Variants in DACH1 observed in about 807,000 individuals in gnomAD.
DACH1 encodes dachshund homolog 1.
A neutral mutation model predicts 54.2 loss-of-function variants in DACH1; 12 were observed. That is an observed-to-expected ratio of 0.22 (90% CI 0.14 to 0.36). The LOEUF is 0.36. DACH1 is among the 10% of genes least tolerant of loss of function. The pLI, the probability that DACH1 is intolerant of heterozygous loss-of-function variation, is 1.00. For missense variants in DACH1, 805 were observed against 929.8 expected, an observed-to-expected ratio of 0.87 and a Z score of 1.75; for synonymous variants, 386 against 366.2, an observed-to-expected ratio of 1.05 and a Z score of -0.62.
At chr13:71,471,477 G>A (rs1877065751) in intron 10 of DACH1, among the ~76,000 whole-genome samples, 1 of 152,046 alleles carries the variant, frequency 6.6e-6, no homozygotes, top group South Asian at 2.1e-4. Flanking sequence ...AAGAAACTAC[G>A]GGGCCAGGAG....
intron 1 of DACH1, among the ~76,000 whole-genome samples, chr13:71,824,947 A>T (rs1888323147): frequency 6.6e-6 from 1 of 152,088 alleles, no homozygotes; most frequent in Non-Finnish European, 1.5e-5. Context: ...ATTGGAAAAA[A>T]ACATGCCATT....
At chr13:71,821,179 A>G (rs1357067902) in intron 1 of DACH1, among the ~76,000 whole-genome samples, 1 of 152,218 alleles carries the variant, frequency 6.6e-6, no homozygotes, top group East Asian at 1.9e-4. Context: ...CATTGGTTTT[A>G]GTAGGTGAAT....
intron 1 of DACH1, among the ~76,000 whole-genome samples, chr13:71,751,676 T>G (rs1310257513): frequency 6.6e-6 from 1 of 152,014 alleles, no homozygotes; most frequent in Non-Finnish European, 1.5e-5. Context: ...AGAGTAAATA[T>G]GAAAGTAAAA....
At chr13:71,525,998 G>A (rs750484801) in intron 6 of DACH1, among the ~76,000 whole-genome samples, 30 of 152,138 alleles carry the variant, frequency 2.0e-4, no homozygotes, top group Non-Finnish European at 4.1e-4. Flanking sequence ...TTAAAGACAA[G>A]CTGACAATTT....
chr13:71,640,246 T>C (rs756240000), intron 2 of DACH1, among the ~76,000 whole-genome samples: 1 of 152,050 alleles, frequency 6.6e-6, no homozygotes, highest in Admixed American at 6.6e-5. Context: ...GTCGAAGTTA[T>C]AGACACTCAG....
At chr13:71,724,190 A>T (rs1394059361) in intron 1 of DACH1, among the ~76,000 whole-genome samples, 1 of 152,200 alleles carries the variant, frequency 6.6e-6, no homozygotes, top group Non-Finnish European at 1.5e-5. Flanking sequence ...AACAAATATG[A>T]AAAAACTTCT....
At chr13:71,598,624 A>G (rs1159243991) in intron 3 of DACH1, among the ~76,000 whole-genome samples, 1 of 152,298 alleles carries the variant, frequency 6.6e-6, no homozygotes, top group Non-Finnish European at 1.5e-5. Context: ...CATGATTTAC[A>G]TCATAAATTT....
intron 10 of DACH1, among the ~76,000 whole-genome samples, chr13:71,456,103 A>G (rs1382817011): frequency 6.6e-6 from 1 of 152,132 alleles, no homozygotes; most frequent in East Asian, 1.9e-4. Flanking sequence ...GAAACATCTG[A>G]GCACTATGGA....
chr13:71,461,981 C>A (rs1253506376), intron 10 of DACH1, among the ~76,000 whole-genome samples: 1 of 151,860 alleles, frequency 6.6e-6, no homozygotes, highest in African/African-American at 2.4e-5. Flanking sequence ...TTAAACATAG[C>A]ACACCTGAAT....
chr13:71,863,859 A>C (rs1333507255), intron 1 of DACH1, among the ~76,000 whole-genome samples: 1 of 149,660 alleles, frequency 6.7e-6, no homozygotes, highest in Non-Finnish European at 1.5e-5. Flanking sequence ...TAAAGAGGAT[A>C]CCGAGGAGAG....
chr13:71,803,976 T>C (rs1887387979), intron 1 of DACH1, among the ~76,000 whole-genome samples: 1 of 152,162 alleles, frequency 6.6e-6, no homozygotes, highest in Non-Finnish European at 1.5e-5. Context: ...CTGAGAAGGC[T>C]ACAGGTGTAC....
At chr13:71,500,901 A>T (rs1879861101) in intron 6 of DACH1, among the ~76,000 whole-genome samples, 1 of 152,068 alleles carries the variant, frequency 6.6e-6, no homozygotes, top group Non-Finnish European at 1.5e-5. Context: ...ATTGTGGCTC[A>T]GTTTCCAATC....
intron 10 of DACH1, among the ~76,000 whole-genome samples, chr13:71,453,719 T>A (rs139005430): frequency 6.6e-6 from 1 of 152,200 alleles, no homozygotes; most frequent in African/African-American, 2.4e-5. Context: ...AAGTTCTACA[T>A]CTTTAAAGCC....
At chr13:71,449,281 G>A (rs772974278) in intron 10 of DACH1, among the ~76,000 whole-genome samples, 3 of 151,962 alleles carry the variant, frequency 2.0e-5, no homozygotes, top group South Asian at 2.1e-4. Context: ...AGCCGAGATC[G>A]AACCACTGCA....
intron 6 of DACH1, among the ~76,000 whole-genome samples, chr13:71,529,283 T>C (rs961226972): frequency 6.6e-6 from 1 of 151,168 alleles, no homozygotes; most frequent in East Asian, 2.0e-4. Flanking sequence ...ACCTCCCTGG[T>C]TCAAGTGATT....
At chr13:71,792,123 G>A (rs1318828114) in intron 1 of DACH1, among the ~76,000 whole-genome samples, 1 of 152,020 alleles carries the variant, frequency 6.6e-6, no homozygotes, top group Non-Finnish European at 1.5e-5. Flanking sequence ...GTGGTATTGA[G>A]ACCACTTTAA....
At chr13:71,457,253 C>G (rs531671192) in intron 10 of DACH1, among the ~76,000 whole-genome samples, 3 of 152,036 alleles carry the variant, frequency 2.0e-5, no homozygotes, top group African/African-American at 7.2e-5. Flanking sequence ...GGACTGGTAT[C>G]CAACATATTG....
intron 6 of DACH1, among the ~76,000 whole-genome samples, chr13:71,520,577 CAAAAT>C (rs1566313160): frequency 6.7e-6 from 1 of 148,630 alleles, no homozygotes; most frequent in African/African-American, 2.5e-5. Context: ...TGATTACAAT[CAAAAT>C]AAATAGTTTA....
chr13:71,528,422 TTTC>T (rs1264881681), intron 6 of DACH1, among the ~76,000 whole-genome samples: 1 of 109,828 alleles, frequency 9.1e-6, no homozygotes, highest in East Asian at 2.4e-4. Flanking sequence ...AAAAACAGAT[TTTC>T]TTTTTTTTTT....
Sources: allele counts gnomAD v4.1 joint callset (sites outside exome capture counted in the v4.1 genomes callset), GRCh38; gene constraint gnomAD v4.1.1; transcripts MANE v1.5; gene names NCBI Gene and HGNC (gene_info 2026-07-23, HGNC 2026-07-21).